The following MRPL40 variants were observed in gnomAD, a reference collection of about 807,000 sequenced individuals.
MRPL40 encodes the protein large ribosomal subunit protein mL40.
A neutral mutation model predicts 24.5 loss-of-function variants in MRPL40; 18 were observed. The ratio of observed to expected loss-of-function variants is 0.73; its 90% confidence interval spans 0.51 to 1.09. The LOEUF (loss-of-function observed/expected upper bound fraction) is 1.09. MRPL40 is among the 50% of genes least tolerant of loss of function. MRPL40 has a pLI of 0.00. For missense variants in MRPL40, 256 were observed against 243.8 expected (o/e 1.05, Z -0.33); for synonymous variants, 108 against 94.6 (o/e 1.14, Z -0.82).
At position 19,435,929 on chromosome 22, in the gene MRPL40, CAAGGTGTACACACAAGTG is replaced by C; in HGVS notation, c.589_606del (p.Lys197_Val202del). 1 of 1,614,026 alleles carries C rather than the reference CAAGGTGTACACACAAGTG, an allele frequency of 6.2e-7. No homozygotes were observed. The highest frequency in any genetic ancestry group is 8.5e-7 in the Non-Finnish European group (1 of 1,179,962). On this transcript the variant is annotated inframe_deletion, in exon 4 of 4. Coordinates refer to ENST00000333130, the MANE Select transcript of MRPL40 (RefSeq NM_003776.4). ...CTGAAGGCAGGTACAATGACATCAC[CAAGGTGTACACACAAGTG>C]GAGTTTAAGAGATAGACTTGCAGGC...
Position 19,434,763 on chromosome 22 carries a change from G to A in MRPL40, c.165G>A (p.Lys55=), listed in dbSNP as rs2089575814. The A allele has an allele frequency of 1.3e-6, 2 of 1,599,478 alleles. No individual in the cohort carries two copies. Among genetic ancestry groups the A allele is most frequent in the South Asian group, 2.3e-5 (2 of 87,978 alleles). ...MRSEPLRKKK[K]VDPKKDQEAK... ...CAGAACCTCTTCGAAAAAAGAAGAA[G>A]GTAGATCCTAAAAAAGACCAAGAAG... The change falls in exon 3 of 4, where the codon AAG becomes AAA. Residue 55 remains lysine (K), a synonymous_variant. Transcript: ENST00000333130.
At position 19,432,581 on chromosome 22, in the gene MRPL40, C is replaced by T. The variant is rs781030757; in HGVS notation, c.27C>T (p.Ile9=). The part of the protein sequence containing the change: MTASVLRS[I]SLALRPTSGL... ...TGACGGCCTCCGTGCTGCGAAGTATCTCGCTAGCCCTGCGCCCGACTAGCG... is the reference window on the plus strand; with the variant it reads ...TGACGGCCTCCGTGCTGCGAAGTATTTCGCTAGCCCTGCGCCCGACTAGCG... The change falls in exon 1 of 4, where the codon ATC becomes ATT. Residue 9 remains isoleucine (I), a synonymous_variant. Transcript: ENST00000333130. The T allele has an allele frequency of 6.4e-7, 1 of 1,553,616 alleles. No individual in the cohort carries two copies. The highest frequency in any genetic ancestry group is 1.9e-5 in the Admixed American group (1 of 51,852).
At position 19,434,601 on chromosome 22, in the gene MRPL40, C is replaced by T. The variant is rs548210332; in HGVS notation, c.138-135C>T. 9.4e-5 allele frequency: 62 copies of T among 659,242 alleles called. No individual in the cohort carries two copies. The Middle Eastern group carries it at 1.3e-3, about 13-fold the overall frequency. 40.8% of individuals were successfully genotyped at this position (659,242 alleles called of 1,614,324 possible). ...TGTGGGGTGGAGTACCTCCTCACCACGCTGAGCTCATGAGTTAGTCATGCA... is the reference window on the plus strand; with the variant it reads ...TGTGGGGTGGAGTACCTCCTCACCATGCTGAGCTCATGAGTTAGTCATGCA... On this transcript the variant is annotated intron_variant, in intron 2 of 3. Coordinates refer to ENST00000333130, the MANE Select transcript of MRPL40 (RefSeq NM_003776.4).
Position 19,433,291 on chromosome 22 carries a change from TTAGA to T in MRPL40, c.81_84del (p.Glu29LeufsTer16), listed in dbSNP as rs2089561465. ...CTTCTGGGAACTTGGCAGACGCAGC[TTAGA>T]GAGACTCACCAGCGAGCGTCATTGT... On this transcript the variant is annotated frameshift_variant, in exon 2 of 4. Coordinates refer to ENST00000333130, the MANE Select transcript of MRPL40 (RefSeq NM_003776.4). LOFTEE classifies it high-confidence loss of function. The T allele has an allele frequency of 6.2e-7, 1 of 1,612,844 alleles. No homozygotes were observed. The highest frequency in any genetic ancestry group is 1.3e-5 in the African/African-American group (1 of 74,890).
At position 19,435,959 on chromosome 22, in the gene MRPL40, A is replaced by G; in HGVS notation, c.618A>G (p.Arg206=). 1 of 1,611,144 alleles carries G rather than the reference A, an allele frequency of 6.2e-7. No homozygotes were observed. The change falls in exon 4 of 4, where the codon AGA becomes AGG. Residue 206 remains arginine, a synonymous_variant. Transcript: ENST00000333130. ...TGTACACACAAGTGGAGTTTAAGAGATAGACTTGCAGGCTGCTATCCTTAA... is the reference window on the plus strand; with the variant it reads ...TGTACACACAAGTGGAGTTTAAGAGGTAGACTTGCAGGCTGCTATCCTTAA... ...TKVYTQVEFK[R]
chr22:19,434,735 G>C lies in MRPL40; in HGVS notation c.138-1G>C. The stretch of plus-strand genomic sequence containing the variant: ...TGTTTAATATTTGCTTTATCTATTA[G>C]ATCAGAACCTCTTCGAAAAAAGAAG... On this transcript the variant is annotated splice_acceptor_variant, in intron 2 of 3. Coordinates refer to ENST00000333130, the MANE Select transcript of MRPL40 (RefSeq NM_003776.4). LOFTEE classifies it high-confidence loss of function. 6.3e-7 allele frequency: 1 copy of C among 1,585,480 alleles called. No homozygotes were observed. Among genetic ancestry groups the C allele is most frequent in the Non-Finnish European group, 8.5e-7 (1 of 1,172,112 alleles).
intron 3 of MRPL40, 54 bp downstream of exon 3, chr22:19,434,948 T>G: frequency 3.4e-6 from 5 of 1,449,698 alleles, no homozygotes; most frequent in Non-Finnish European, 2.8e-6. Context: ...TAATATCAAC[T>G]TCAGGTAGTT....
Position 19,436,037 on chromosome 22 carries a change from A to T in MRPL40, c.*75A>T, listed in dbSNP as rs2089586671. ...CAGGGTTCAAGTCTGCTTTCCACAG[A>T]ATCAGGCATGCTGTTAATAAATACT... is the stretch of plus-strand genomic sequence containing the variant. On this transcript the variant is annotated 3_prime_UTR_variant, in exon 4 of 4. Transcript: ENST00000333130. 8.3e-7 allele frequency: 1 copy of T among 1,204,126 alleles called. No individual in the cohort carries two copies. Among genetic ancestry groups the T allele is most frequent in the African/African-American group, 1.5e-5 (1 of 65,736 alleles). The allele number at this position is 1,204,126 out of a possible 1,614,324, so 74.6% of individuals were successfully genotyped here.
rs750816357 is a variant in MRPL40, at chr22:19,432,559, C to A, written c.5C>A (p.Thr2Lys). The change falls in exon 1 of 4, where the codon ACG becomes AAG. Residue 2 changes from threonine to lysine, a missense_variant. Transcript: ENST00000333130. ...CCGGAAGCGGCGAGGGTAGCCATGA[C>A]GGCCTCCGTGCTGCGAAGTATCTCG... The part of the protein sequence containing the change: M[T>K]ASVLRSISLA... 6.5e-7 allele frequency: 1 copy of A among 1,549,420 alleles called. No individual in the cohort carries two copies. The highest frequency in any genetic ancestry group is 1.2e-5 in the South Asian group (1 of 83,736).
chr22:19,433,253 T>A lies in MRPL40; in HGVS notation c.54-12T>A. The A allele has an allele frequency of 6.3e-7, 1 of 1,586,394 alleles. No homozygotes were observed. The highest frequency in any genetic ancestry group is 1.3e-5 in the African/African-American group (1 of 74,454). ...AGAAGCAGATATTTATACATACTCT[T>A]GTATCTTTCAGGCTTCTGGGAACTT... On this transcript the variant is annotated splice_polypyrimidine_tract_variant and intron_variant, in intron 1 of 3. Coordinates refer to ENST00000333130, the MANE Select transcript of MRPL40 (RefSeq NM_003776.4).
chr22:19,434,105 AAC>A (rs78410416), intron 2 of MRPL40, among the ~76,000 whole-genome samples: 6,262 of 151,678 alleles, frequency 0.041, 278 homozygotes, highest in East Asian at 0.13. Context: ...CTTCTAATCT[AAC>A]AGTTTGGTAT....
chr22:19,434,745 T>C lies in MRPL40; in HGVS notation c.147T>C (p.Pro49=). The C allele has an allele frequency of 6.3e-7, 1 of 1,589,208 alleles. No homozygotes were observed. Among genetic ancestry groups the C allele is most frequent in the Non-Finnish European group, 8.5e-7 (1 of 1,173,732 alleles). Residue 49 remains proline, a synonymous_variant, in exon 3 of 4, where the codon CCT becomes CCC. Coordinates refer to ENST00000333130, the MANE Select transcript of MRPL40 (RefSeq NM_003776.4). Reference sequence around the variant, plus strand: ...TTGCTTTATCTATTAGATCAGAACCTCTTCGAAAAAAGAAGAAGGTAGATC... The same window carrying C: ...TTGCTTTATCTATTAGATCAGAACCCCTTCGAAAAAAGAAGAAGGTAGATC... ...FWELIPMRSE[P]LRKKKKVDPK... is the part of the protein sequence containing the mutation.
At chr22:19,434,671 T>A in intron 2 of MRPL40, 65 bp from the exon 3 acceptor site, 3 of 1,380,166 alleles carry the variant, frequency 2.2e-6, no homozygotes, top group Non-Finnish European at 2.9e-6. Context: ...GTACTTACCA[T>A]CTTGTCTCTC....
At chr22:19,434,329 T>C (rs974393374) in intron 2 of MRPL40, among the ~76,000 whole-genome samples, 2 of 150,774 alleles carry the variant, frequency 1.3e-5, no homozygotes, top group African/African-American at 4.9e-5. Context: ...CTCAAGTGAT[T>C]CTCCTGCCTC....
intron 1 of MRPL40, 68 bp downstream of exon 1, chr22:19,432,675 C>G (rs2089554315): frequency 6.7e-7 from 1 of 1,491,744 alleles, no homozygotes; most frequent in Non-Finnish European, 9.0e-7. Context: ...GACTGTCCGC[C>G]AGGACTCGCC....
rs1463747944 is a variant in MRPL40 at position 19,432,572 on chromosome 22, G to A, written c.18G>A (p.Leu6=). Residue 6 remains leucine (L), a synonymous_variant, in exon 1 of 4, where the codon CTG becomes CTA. Transcript: ENST00000333130. ...GGGTAGCCATGACGGCCTCCGTGCT[G>A]CGAAGTATCTCGCTAGCCCTGCGCC... MTASV[L]RSISLALRPT... The A allele has an allele frequency of 7.7e-6, 12 of 1,553,138 alleles. No individual in the cohort carries two copies. The highest frequency in any genetic ancestry group is 9.6e-6 in the Non-Finnish European group (11 of 1,149,874).
At position 19,435,910 on chromosome 22, in the gene MRPL40, G is replaced by A. The variant is rs771914259; in HGVS notation, c.569G>A (p.Gly190Asp). 4 of 1,614,116 alleles carry A rather than the reference G, an allele frequency of 2.5e-6. No individual in the cohort carries two copies. The highest frequency in any genetic ancestry group is 3.4e-6 in the Non-Finnish European group (4 of 1,180,018). Residue 190 changes from glycine to aspartate, a missense_variant, in exon 4 of 4, where the codon GGC becomes GAC. Gly to Asp is a moderately conservative substitution (Grantham distance 94, BLOSUM62 -1). Transcript: ENST00000333130. ...PPIPNYQPPE[G>D]RYNDITKVYT... ...ATCCCTAACTACCAACCCCCTGAAG[G>A]CAGGTACAATGACATCACCAAGGTG...
intron 1 of MRPL40, chr22:19,433,011 C>G (rs1175052766): frequency 3.3e-6 from 2 of 609,148 alleles, no homozygotes; most frequent in African/African-American, 3.8e-5. Context: ...CTCACTGCAA[C>G]CTCTGCCTCC....
In MRPL40 at chr22:19,434,762, A is replaced by T. The variant is rs765061705; in HGVS notation, c.164A>T (p.Lys55Met). The T allele has an allele frequency of 7.5e-6, 12 of 1,598,454 alleles. No homozygotes were observed. The highest frequency in any genetic ancestry group is 5.4e-5 in the African/African-American group (4 of 73,478). ...MRSEPLRKKK[K>M]VDPKKDQEAK... ...TCAGAACCTCTTCGAAAAAAGAAGA[A>T]GGTAGATCCTAAAAAAGACCAAGAA... The change falls in exon 3 of 4, where the codon AAG (lysine) becomes ATG (methionine). Residue 55 changes from lysine (K) to methionine (M), a missense_variant. Lys to Met is a moderately conservative substitution (Grantham distance 95). Transcript: ENST00000333130.
Sources: gnomAD v4.1 joint callset for allele counts (sites outside exome capture counted in the v4.1 genomes callset) on GRCh38, gnomAD v4.1.1 for gene constraint, MANE v1.5 for transcripts, NCBI Gene and HGNC (gene_info 2026-07-23, HGNC 2026-07-21) for gene names.